Variants in HDAC4 observed in about 807,000 individuals in gnomAD.
HDAC4 encodes histone deacetylase A.
HDAC4 carries 16 observed loss-of-function variants against 135.1 expected under a neutral mutation model. That is an observed-to-expected ratio of 0.12 (90% CI 0.08 to 0.18). The LOEUF (loss-of-function observed/expected upper bound fraction) is 0.18, where lower values mean the gene tolerates loss of function less well. Ranked by LOEUF, HDAC4 falls within the 10% of genes least tolerant of loss-of-function variation. The pLI is 1.00. For synonymous variants in HDAC4, 685 were observed against 653.4 expected (o/e 1.05, Z -0.74); for missense variants, 1,143 against 1,511.8 (o/e 0.76, Z 4.05).
chr2:239,065,120 C>T (rs533426991), intron 24 of HDAC4, among the ~76,000 whole-genome samples: 11 of 152,308 alleles, frequency 7.2e-5, no homozygotes, highest in East Asian at 1.9e-4. Flanking sequence ...AGCTTTCCAT[C>T]GGGGGAGGCT....
intron 6 of HDAC4, among the ~76,000 whole-genome samples, 162 bp from the exon 7 acceptor site, chr2:239,156,935 A>T (rs2042461405): frequency 1.3e-5 from 2 of 152,208 alleles, no homozygotes; most frequent in Admixed American, 1.3e-4. Context: ...AATGGAAACA[A>T]ACAGGATGCT....
chr2:239,218,964 A>C (rs895506553), intron 3 of HDAC4, among the ~76,000 whole-genome samples: 5 of 144,230 alleles, frequency 3.5e-5, no homozygotes, highest in Non-Finnish European at 6.1e-5. Context: ...AAAAGTCAGG[A>C]AACAACAGGT....
intron 2 of HDAC4, among the ~76,000 whole-genome samples, chr2:239,297,044 AAAAAG>A (rs1174661622): frequency 2.6e-5 from 4 of 151,680 alleles, no homozygotes; most frequent in African/African-American, 7.3e-5. Context: ...AAAAAAAAAA[AAAAAG>A]GAATTAAGTC....
At position 239,306,495 on chromosome 2, in the gene HDAC4, G is replaced by A. The variant is rs1000216796; in HGVS notation, c.22+46183C>T. ...CCAAGCTATCCTGTGTCCCATACTC[G>A]GCCCGTAGAGCCATCAAATCATCTG... On this transcript the variant is annotated intron_variant, in intron 2 of 26. Transcript: ENST00000543185. The surrounding 1 kb of genome is among the most constrained non-coding windows in gnomAD (Gnocchi z 4.5). Among the ~76,000 whole-genome samples, 3 of 152,102 alleles carry A rather than the reference G, an allele frequency of 2.0e-5. No individual in the cohort carries two copies. The highest frequency in any genetic ancestry group is 6.5e-5 in the Admixed American group (1 of 15,280).
chr2:239,078,815 G>A (rs547274978), intron 22 of HDAC4, among the ~76,000 whole-genome samples: 12 of 152,206 alleles, frequency 7.9e-5, no homozygotes, highest in South Asian at 2.1e-4. Context: ...CCCAAGAGCC[G>A]AAGGCACCAC....
intron 5 of HDAC4, among the ~76,000 whole-genome samples, chr2:239,165,079 C>G (rs1007711138): frequency 6.6e-6 from 1 of 152,022 alleles, no homozygotes; most frequent in Non-Finnish European, 1.5e-5. Context: ...AAAAATTAGC[C>G]GAGTGTGGTA....
At chr2:239,277,478 G>T (rs1211629876) in intron 2 of HDAC4, among the ~76,000 whole-genome samples, 1 of 152,208 alleles carries the variant, frequency 6.6e-6, no homozygotes, top group East Asian at 1.9e-4. Context: ...CATGTTTATG[G>T]TCTCTGCGCT....
At chr2:239,323,774 G>C (rs2053388369) in intron 2 of HDAC4, among the ~76,000 whole-genome samples, 1 of 152,092 alleles carries the variant, frequency 6.6e-6, no homozygotes, top group Non-Finnish European at 1.5e-5. Flanking sequence ...CGGGGCCCCG[G>C]GGCAGCCAAT....
intron 4 of HDAC4, among the ~76,000 whole-genome samples, chr2:239,183,502 C>T (rs368152002): frequency 2.6e-5 from 4 of 152,334 alleles, no homozygotes; most frequent in East Asian, 3.9e-4. Context: ...GGTAGGGCCA[C>T]GGCATCCATG....
rs1331906130 is a variant in HDAC4, at chr2:239,303,511, T to C, written c.22+49167A>G. On this transcript the variant is annotated intron_variant, in intron 2 of 26. Coordinates refer to ENST00000543185, the MANE Select transcript of HDAC4 (RefSeq NM_001378414.1). This position sits in a 1 kb window ranked among gnomAD's most constrained non-coding sequence, Gnocchi z 5.1. ...CGTGCTTCCTCGATCTCCCCGCTCCTTTCTCGGGACAGCCTGTGGCTTGTT... is the reference window on the plus strand; with the variant it reads ...CGTGCTTCCTCGATCTCCCCGCTCCCTTCTCGGGACAGCCTGTGGCTTGTT... 2.6e-5 allele frequency among the ~76,000 whole-genome samples: 4 copies of C among 152,160 alleles called. No homozygotes were observed. The highest frequency in any genetic ancestry group is 9.6e-5 in the African/African-American group (4 of 41,514).
At chr2:239,327,153 C>T (rs765092744) in intron 2 of HDAC4, among the ~76,000 whole-genome samples, 5 of 152,262 alleles carry the variant, frequency 3.3e-5, no homozygotes, top group African/African-American at 4.8e-5. Context: ...GGTCAGAAGG[C>T]GGCAGCCTCG....
rs551895446 is a variant in HDAC4, at chr2:239,087,620, G to A, written c.2389-6C>T. On this transcript the variant is annotated splice_polypyrimidine_tract_variant and splice_region_variant and intron_variant, in intron 18 of 26. Coordinates refer to ENST00000543185, the MANE Select transcript of HDAC4 (RefSeq NM_001378414.1). ...CGGACCACAGCAAAGCCATTCTGCA[G>A]GTGACACCAGACAGCCAGGAGAGAG... 4.6e-5 allele frequency: 74 copies of A among 1,613,670 alleles called. No individual in the cohort carries two copies. The South Asian group carries it at 7.6e-4, about 17-fold the overall frequency.
chr2:239,064,108 G>T (rs181221103), intron 24 of HDAC4, among the ~76,000 whole-genome samples: 3 of 152,224 alleles, frequency 2.0e-5, no homozygotes, highest in Non-Finnish European at 4.4e-5. Context: ...AGGGCTGGAG[G>T]AACACACAGC....
rs2152900682 is a variant in HDAC4, at chr2:239,139,794, A to G, written c.868T>C (p.Ser290Pro). The G allele has an allele frequency of 4.3e-6, 7 of 1,612,874 alleles. No homozygotes were observed. Among genetic ancestry groups the G allele is most frequent in the Non-Finnish European group, 5.9e-6 (7 of 1,179,710 alleles). ...GAGCCTGGGGCGCTGCTGCACGCGGAGTCTGCGGAGGCAGAAATACCCTGG... is the reference window on the plus strand; with the variant it reads ...GAGCCTGGGGCGCTGCTGCACGCGGGGTCTGCGGAGGCAGAAATACCCTGG... ...LKKRPLDVTD[S>P]ACSSAPGSGP... The change falls in exon 9 of 27, where the codon TCC becomes CCC. Residue 290 changes from serine (S) to proline (P), a missense_variant and splice_region_variant. Transcript: ENST00000543185. The surrounding 1 kb of genome is among the most constrained non-coding windows in gnomAD (Gnocchi z 5.3).
chr2:239,139,135 G>A lies in HDAC4; in HGVS notation c.978+549C>T, dbSNP rs114824031. 7.4e-4 allele frequency among the ~76,000 whole-genome samples: 112 copies of A among 152,342 alleles called. No homozygotes were observed. The highest frequency in any genetic ancestry group is 2.6e-3 in the African/African-American group (110 of 41,574). ...CCCGTGATGCCTGGAAAAGTTCCCC[G>A]CTCTGTGGCTTTGGCCGGCCCTGCC... is the stretch of plus-strand genomic sequence containing the variant. On this transcript the variant is annotated intron_variant, in intron 9 of 26. Transcript: ENST00000543185. The surrounding 1 kb of genome is among the most constrained non-coding windows in gnomAD (Gnocchi z 5.3).
At chr2:239,250,648 C>T (rs377199905) in intron 2 of HDAC4, among the ~76,000 whole-genome samples, 3 of 152,194 alleles carry the variant, frequency 2.0e-5, no homozygotes, top group Non-Finnish European at 1.5e-5. Flanking sequence ...ACACAGGCAT[C>T]GGGCCTCCTT....
chr2:239,312,031 T>C (rs2052904712), intron 2 of HDAC4, among the ~76,000 whole-genome samples: 1 of 152,104 alleles, frequency 6.6e-6, no homozygotes, highest in African/African-American at 2.4e-5. Context: ...CTAAAAGCCT[T>C]ACCCAAAAAT....
intron 1 of HDAC4, among the ~76,000 whole-genome samples, chr2:239,355,683 T>C (rs953346949): frequency 2.0e-5 from 3 of 152,238 alleles, no homozygotes; most frequent in African/African-American, 4.8e-5. Context: ...ACCCTTTTTT[T>C]GACAGGTCCA....
At chr2:239,114,442 C>T (rs2038951521) in intron 13 of HDAC4, among the ~76,000 whole-genome samples, 1 of 152,212 alleles carries the variant, frequency 6.6e-6, no homozygotes, top group Non-Finnish European at 1.5e-5. Flanking sequence ...CAGCTGGCTG[C>T]CCAAATGCCT....
Sources: allele counts gnomAD v4.1 joint callset (sites outside exome capture counted in the v4.1 genomes callset), GRCh38; gene constraint gnomAD v4.1.1; non-coding constraint Gnocchi (gnomAD v3.1); transcripts MANE v1.5; gene names NCBI Gene and HGNC (gene_info 2026-07-23, HGNC 2026-07-21).